Variants in COG5 observed in about 807,000 individuals in gnomAD.
COG5 encodes conserved oligomeric Golgi complex subunit 5.
COG5 carries 86 observed loss-of-function variants against 110.4 expected under a neutral mutation model. That is an observed-to-expected ratio of 0.78 (90% CI 0.65 to 0.93). The LOEUF (loss-of-function observed/expected upper bound fraction) is 0.93. COG5 is among the 40% of genes least tolerant of loss of function. The pLI is 0.00. For missense variants in COG5, 1,077 were observed against 987.0 expected (o/e 1.09, Z -1.22); for synonymous variants, 360 against 334.6 (o/e 1.08, Z -0.83).
chr7:107,266,503 T>C (rs1432421646), intron 14 of COG5, among the ~76,000 whole-genome samples: 1 of 152,226 alleles, frequency 6.6e-6, no homozygotes, highest in African/African-American at 2.4e-5. Flanking sequence ...TGCATTCCCC[T>C]TCATTCATTA....
chr7:107,251,095 T>C (rs9969172), intron 16 of COG5, among the ~76,000 whole-genome samples: 4,910 of 144,694 alleles, frequency 0.034, 292 homozygotes, highest in African/African-American at 0.12. Context: ...TCATAAACTG[T>C]TGAAAACCAA....
intron 6 of COG5, among the ~76,000 whole-genome samples, chr7:107,468,587 T>A (rs958076523): frequency 1.3e-5 from 2 of 152,140 alleles, no homozygotes; most frequent in African/African-American, 4.8e-5. Context: ...GCAGAAGATT[T>A]TAGAAATTCA....
intron 7 of COG5, among the ~76,000 whole-genome samples, chr7:107,381,965 T>C (rs1470095327): frequency 6.6e-6 from 1 of 152,252 alleles, no homozygotes; most frequent in Non-Finnish European, 1.5e-5. Context: ...TATGGCAATA[T>C]AGTTGTTTGC....
chr7:107,381,463 A>G (rs575171897), intron 7 of COG5, among the ~76,000 whole-genome samples: 11 of 152,338 alleles, frequency 7.2e-5, no homozygotes, highest in African/African-American at 2.6e-4. Context: ...ATATGCTACT[A>G]ATCATAATTA....
intron 6 of COG5, among the ~76,000 whole-genome samples, chr7:107,442,918 A>T (rs1794809200): frequency 6.6e-6 from 1 of 152,130 alleles, no homozygotes; most frequent in South Asian, 2.1e-4. Context: ...TATACATCCT[A>T]ATCTCTTTCC....
intron 19 of COG5, among the ~76,000 whole-genome samples, chr7:107,230,208 A>C (rs1221764313): frequency 4.6e-5 from 7 of 152,186 alleles, no homozygotes; most frequent in Non-Finnish European, 8.8e-5. Context: ...ATATCTTGGA[A>C]TGTAACTTAT....
At chr7:107,280,837 T>C (rs1373025005) in intron 14 of COG5, among the ~76,000 whole-genome samples, 1 of 152,000 alleles carries the variant, frequency 6.6e-6, no homozygotes, top group East Asian at 1.9e-4. Flanking sequence ...TAAATAAACA[T>C]TTTTCTACTA....
chr7:107,269,671 G>T (rs543137015), intron 14 of COG5, among the ~76,000 whole-genome samples: 1 of 151,928 alleles, frequency 6.6e-6, no homozygotes, highest in Non-Finnish European at 1.5e-5. Context: ...CTTATTTTAT[G>T]CAATTAAAGA....
At chr7:107,286,080 G>A (rs554677320) in intron 12 of COG5, among the ~76,000 whole-genome samples, 1 of 152,130 alleles carries the variant, frequency 6.6e-6, no homozygotes, top group East Asian at 1.9e-4. Context: ...GCTTACTGAG[G>A]GGCCCTGAAG....
At position 107,532,087 on chromosome 7, in the gene COG5, G is replaced by A. The variant is rs566925144; in HGVS notation, c.418-4730C>T. 1.7e-4 allele frequency among the ~76,000 whole-genome samples: 26 copies of A among 152,058 alleles called. No individual in the cohort carries two copies. The South Asian group carries it at 3.1e-3, about 18-fold the overall frequency. On this transcript the variant is annotated intron_variant, in intron 5 of 21. Coordinates refer to ENST00000297135, the MANE Select transcript of COG5 (RefSeq NM_006348.5). ...TTTTTTCTTTTTTTGAGACGGTTTC[G>A]CTTTTGTCGCCCAGGCTAGAGTACA...
chr7:107,205,128 C>A (rs1192015045), intron 21 of COG5, among the ~76,000 whole-genome samples: 3 of 152,186 alleles, frequency 2.0e-5, no homozygotes, highest in Non-Finnish European at 4.4e-5. Context: ...CTCCCCTGTT[C>A]TGGTCAGTCT....
rs3839820 is a variant in COG5, at chr7:107,315,565, C to CT, written c.1108+8874dup. Among the ~76,000 whole-genome samples the CT allele has an allele frequency of 1.5e-3, 219 of 147,598 alleles. 1 individual carries two copies. The highest frequency in any genetic ancestry group is 3.9e-3 in the African/African-American group (158 of 40,506). On this transcript the variant is annotated intron_variant, in intron 11 of 21. Transcript: ENST00000297135. Reference sequence around the variant, plus strand: ...GCTCTTGGATTACCTTCTAATAGAACTTTTTTTTTTTTTAACTAAGCATGA... The same window carrying CT: ...GCTCTTGGATTACCTTCTAATAGAACTTTTTTTTTTTTTTAACTAAGCATGA...
At chr7:107,336,339 T>G (rs564170808) in intron 10 of COG5, among the ~76,000 whole-genome samples, 1 of 152,276 alleles carries the variant, frequency 6.6e-6, no homozygotes, top group Non-Finnish European at 1.5e-5. Flanking sequence ...GCTAGAAATG[T>G]GGATCTCATG....
intron 6 of COG5, among the ~76,000 whole-genome samples, chr7:107,511,707 G>A (rs1204945551): frequency 1.3e-5 from 2 of 152,108 alleles, no homozygotes; most frequent in African/African-American, 4.8e-5. Context: ...ATGATCAAGT[G>A]GGCTTCATCC....
At chr7:107,205,523 C>T (rs1798705647) in intron 21 of COG5, among the ~76,000 whole-genome samples, 1 of 152,188 alleles carries the variant, frequency 6.6e-6, no homozygotes, top group Non-Finnish European at 1.5e-5. Context: ...TTTGTTCATA[C>T]ATTGCTATGA....
chr7:107,457,284 A>G (rs985768380), intron 6 of COG5, among the ~76,000 whole-genome samples: 1 of 151,818 alleles, frequency 6.6e-6, no homozygotes, highest in Non-Finnish European at 1.5e-5. Flanking sequence ...CAAATCAGAC[A>G]CTATAAAAGA....
intron 5 of COG5, among the ~76,000 whole-genome samples, chr7:107,541,707 C>T (rs1354763824): frequency 4.0e-5 from 6 of 150,036 alleles, no homozygotes; most frequent in East Asian, 2.0e-4. Context: ...CTGAGGCGTG[C>T]GGATCACGAG....
chr7:107,285,406 C>T (rs577743050), intron 12 of COG5, among the ~76,000 whole-genome samples: 4 of 152,266 alleles, frequency 2.6e-5, no homozygotes, highest in African/African-American at 9.6e-5. Flanking sequence ...AACACTTTCC[C>T]GTTCTCCAAA....
At chr7:107,233,390 A>G (rs987203056) in intron 18 of COG5, among the ~76,000 whole-genome samples, 1 of 152,206 alleles carries the variant, frequency 6.6e-6, no homozygotes, top group African/African-American at 2.4e-5. Context: ...CCTCGTGCCC[A>G]TGACCTGGAT....
Sources: gnomAD v4.1 joint callset for allele counts (sites outside exome capture counted in the v4.1 genomes callset) on GRCh38, gnomAD v4.1.1 for gene constraint, MANE v1.5 for transcripts, NCBI Gene and HGNC (gene_info 2026-07-23, HGNC 2026-07-21) for gene names.